Variants in ADGRF3 observed in about 807,000 individuals in gnomAD.
ADGRF3 encodes the protein adhesion G protein-coupled receptor F3, also known as G protein-coupled receptor 113.
A neutral mutation model predicts 93.2 loss-of-function variants in ADGRF3; 85 were observed. That is an observed-to-expected ratio of 0.91 (90% CI 0.77 to 1.09). ADGRF3 has a LOEUF of 1.09. ADGRF3 is among the 50% of genes least tolerant of loss of function. The pLI is 0.00. For missense variants in ADGRF3, 1,125 were observed against 1,246.2 expected, an observed-to-expected ratio of 0.90 and a Z score of 1.46; for synonymous variants, 534 against 532.5, an observed-to-expected ratio of 1.00 and a Z score of -0.04.
In ADGRF3 at chr2:26,314,577, C is replaced by G. The variant is rs758673829; in HGVS notation, c.765G>C (p.Leu255=). The G allele has an allele frequency of 5.6e-6, 9 of 1,614,080 alleles. No individual in the cohort carries two copies. Among genetic ancestry groups the G allele is most frequent in the Middle Eastern group, 1.6e-4 (1 of 6,062 alleles). The change falls in exon 6 of 14, where the codon CTG becomes CTC. Residue 255 remains leucine (L), a synonymous_variant. Coordinates refer to ENST00000651242, the MANE Select transcript of ADGRF3 (RefSeq NM_001321971.2). ...TCAAGGGCACCCTCACCACCTCATA[C>G]AGGTTCCACTTGAAGCCCTGGGCCT... is the stretch of plus-strand genomic sequence containing the variant. The part of the protein sequence containing the change: ...CFEAQGFKWN[L]YEVVRVPLKA...
intron 1 of ADGRF3, among the ~76,000 whole-genome samples, chr2:26,326,642 T>G (rs375027154): frequency 1.4e-4 from 22 of 152,210 alleles, no homozygotes; most frequent in African/African-American, 5.3e-4. Flanking sequence ...TAGAGAAATG[T>G]GTGTCAAGGG....
At chr2:26,315,035 TC>T (rs929654703) in intron 5 of ADGRF3, among the ~76,000 whole-genome samples, 2 of 152,270 alleles carry the variant, frequency 1.3e-5, no homozygotes, top group African/African-American at 4.8e-5. Flanking sequence ...AACTACATTT[TC>T]CAAAACATAA....
chr2:26,319,432 C>T (rs1674974541), intron 1 of ADGRF3, among the ~76,000 whole-genome samples: 1 of 152,038 alleles, frequency 6.6e-6, no homozygotes, highest in East Asian at 1.9e-4. Context: ...ATCAAACAGT[C>T]AAGGTTACAA....
intron 1 of ADGRF3, among the ~76,000 whole-genome samples, chr2:26,337,045 C>A (rs1464717262): frequency 6.6e-6 from 1 of 152,170 alleles, no homozygotes; most frequent in Non-Finnish European, 1.5e-5. Flanking sequence ...AGGTGTAAGT[C>A]AGTGGTTTGC....
At chr2:26,321,837 G>C (rs918406391) in intron 1 of ADGRF3, among the ~76,000 whole-genome samples, 1 of 151,830 alleles carries the variant, frequency 6.6e-6, no homozygotes, top group African/African-American at 2.4e-5. Flanking sequence ...AGCCAGGTTT[G>C]GTGGTGTGCC....
intron 1 of ADGRF3, among the ~76,000 whole-genome samples, chr2:26,340,114 C>T (rs1484000711): frequency 2.0e-5 from 3 of 152,120 alleles, no homozygotes; most frequent in East Asian, 1.9e-4. Context: ...TGCAATTTTA[C>T]ATATTGTTTC....
In ADGRF3 at chr2:26,346,126, C is replaced by G; in HGVS notation, c.109G>C (p.Glu37Gln). 6.3e-7 allele frequency: 1 copy of G among 1,589,322 alleles called. No homozygotes were observed. Among genetic ancestry groups the G allele is most frequent in the Non-Finnish European group, 8.6e-7 (1 of 1,169,484 alleles). ...WARMAKTGLP[E>Q]KGQSQAGGES... ...GCGGAGCGCGGCTCTCCTACCTTCT[C>G]GGGCAGCCCAGTCTTTGCCATCCTT... is the stretch of plus-strand genomic sequence containing the variant. Residue 37 changes from glutamate (E) to glutamine (Q), a missense_variant, in exon 1 of 14, where the codon GAG (glutamate) becomes CAG (glutamine). Physicochemically the swap from Glu to Gln is conservative, Grantham distance 29. Coordinates refer to ENST00000651242, the MANE Select transcript of ADGRF3 (RefSeq NM_001321971.2).
intron 1 of ADGRF3, among the ~76,000 whole-genome samples, chr2:26,330,300 T>C (rs751522017): frequency 2.0e-5 from 3 of 152,200 alleles, no homozygotes; most frequent in Non-Finnish European, 4.4e-5. Flanking sequence ...CCTGTACAAC[T>C]GGGAAGTGAT....
Position 26,346,494 on chromosome 2 carries a change from C to A in ADGRF3, c.-260G>T, listed in dbSNP as rs184173476. ...AAGCCCGCCGCCCGTAGTCGGCACCCCCCGGGAGATTTCCTTTTCCTTAGG... is the reference window on the plus strand; with the variant it reads ...AAGCCCGCCGCCCGTAGTCGGCACCACCCGGGAGATTTCCTTTTCCTTAGG... On this transcript the variant is annotated 5_prime_UTR_variant, in exon 1 of 14. Transcript: ENST00000651242. 9.3e-6 allele frequency: 5 copies of A among 535,308 alleles called. No individual in the cohort carries two copies. The highest frequency in any genetic ancestry group is 1.6e-5 in the Non-Finnish European group (5 of 315,212). The allele number at this position is 535,308 out of a possible 1,614,324, so 33.2% of individuals were successfully genotyped here. A position where few individuals can be genotyped will look rare whatever the true frequency, so the allele number is the denominator to read the frequency against.
At chr2:26,328,148 T>C (rs914407530) in intron 1 of ADGRF3, among the ~76,000 whole-genome samples, 1 of 152,174 alleles carries the variant, frequency 6.6e-6, no homozygotes, top group Non-Finnish European at 1.5e-5. Flanking sequence ...AAAAGTGTTG[T>C]TCTGTTTCTT....
chr2:26,312,135 G>T, intron 9 of ADGRF3, 61 bp from the exon 10 acceptor site: 1 of 1,494,742 alleles, frequency 6.7e-7, no homozygotes, highest in Non-Finnish European at 9.0e-7. Context: ...TGAGCCGGGG[G>T]CAATGAGAAC....
chr2:26,316,470 G>A (rs769584281), intron 3 of ADGRF3, 22 bp from the exon 4 acceptor site: 32 of 1,547,958 alleles, frequency 2.1e-5, no homozygotes, highest in South Asian at 2.4e-5. Context: ...AAGAGAAGAG[G>A]GGGTGGGCAG....
chr2:26,309,208 G>A (rs1165049433), intron 13 of ADGRF3, 101 bp from the exon 14 acceptor site: 1 of 1,613,046 alleles, frequency 6.2e-7, no homozygotes, highest in Non-Finnish European at 8.5e-7. Context: ...TCCCTTCAAG[G>A]CGTGACTCTC....
chr2:26,345,996 C>G, intron 1 of ADGRF3, 125 bp downstream of exon 1: 3 of 991,354 alleles, frequency 3.0e-6, no homozygotes, highest in South Asian at 1.6e-5. Flanking sequence ...ACGGGCCGCT[C>G]GAGCGGGCTA....
Position 26,309,559 on chromosome 2 carries a change from A to G in ADGRF3, c.2960T>C (p.Leu987Ser). The G allele has an allele frequency of 6.2e-7, 1 of 1,612,852 alleles. No individual in the cohort carries two copies. Among genetic ancestry groups the G allele is most frequent in the East Asian group, 2.2e-5 (1 of 44,878 alleles). ...GTCGCTTCCTCCTTTGCTGTGTTCC[A>G]AGATGCAGCCTTCATTTGTGGCCTA... ...ISLATNEGCI[L>S]EHSKGGSDTA... Residue 987 changes from leucine (L) to serine (S), a missense_variant, in exon 13 of 14, where the codon TTG (leucine) becomes TCG (serine). Physicochemically the swap from Leu to Ser is moderately radical, Grantham distance 145. Coordinates refer to ENST00000651242, the MANE Select transcript of ADGRF3 (RefSeq NM_001321971.2).
At chr2:26,316,506 G>C (rs1674691060) in intron 3 of ADGRF3, 58 bp from the exon 4 acceptor site, 1 of 1,507,318 alleles carries the variant, frequency 6.6e-7, no homozygotes, top group Admixed American at 2.0e-5. Context: ...TAGGTGGGCA[G>C]GGCAGACACC....
chr2:26,328,193 G>A (rs1406105741), intron 1 of ADGRF3, among the ~76,000 whole-genome samples: 1 of 152,170 alleles, frequency 6.6e-6, no homozygotes, highest in African/African-American at 2.4e-5. Flanking sequence ...AAAATCCACA[G>A]CCATATAACT....
At chr2:26,319,475 G>C (rs537156588) in intron 1 of ADGRF3, among the ~76,000 whole-genome samples, 1 of 151,768 alleles carries the variant, frequency 6.6e-6, no homozygotes, top group African/African-American at 2.4e-5. Context: ...AAATATGAGA[G>C]CTGATTTTTA....
rs1307784281 is a variant in ADGRF3 at position 26,315,618 on chromosome 2, T to C, written c.622A>G (p.Ser208Gly). Residue 208 changes from serine to glycine, a missense_variant, in exon 5 of 14, where the codon AGT becomes GGT. Physicochemically the swap from Ser to Gly is moderately conservative, Grantham distance 56. Transcript: ENST00000651242. ...SWFLRHPGSP[S>G]PILLQPGTQV... is the part of the protein sequence containing the mutation. ...GTCCCTGGCTGCAGGAGGATGGGACTGGGGCTCCCTGGGTGCCTCAGGAAC... is the reference window on the plus strand; with the variant it reads ...GTCCCTGGCTGCAGGAGGATGGGACCGGGGCTCCCTGGGTGCCTCAGGAAC... 3.2e-6 allele frequency: 5 copies of C among 1,551,580 alleles called. No individual in the cohort carries two copies. The highest frequency in any genetic ancestry group is 2.4e-5 in the East Asian group (1 of 40,900).
Sources: gnomAD v4.1 joint callset for allele counts (sites outside exome capture counted in the v4.1 genomes callset) on GRCh38, gnomAD v4.1.1 for gene constraint, MANE v1.5 for transcripts, NCBI Gene and HGNC (gene_info 2026-07-23, HGNC 2026-07-21) for gene names.